The following ABCF1 variants were observed in gnomAD, a reference collection of about 807,000 sequenced individuals.
ABCF1 encodes the protein ATP binding cassette subfamily F member 1.
A neutral mutation model predicts 126.3 loss-of-function variants in ABCF1; 73 were observed. The ratio of observed to expected loss-of-function variants is 0.58; its 90% CI spans 0.48 to 0.70. The LOEUF (loss-of-function observed/expected upper bound fraction) is 0.70, where lower values mean the gene tolerates loss of function less well. Among genes scored for constraint, ABCF1 ranks in the 30% least tolerant of loss-of-function variants. The pLI is 0.00. For synonymous variants in ABCF1, 345 were observed against 396.4 expected (o/e 0.87, Z 1.54); for missense variants, 786 against 1,057.5 (o/e 0.74, Z 3.56).
intron 1 of ABCF1, 57 bp downstream of exon 1, chr6:30,571,617 CGT>C (rs1238999672): frequency 6.4e-7 from 1 of 1,557,388 alleles, no homozygotes; most frequent in Non-Finnish European, 8.7e-7. Context: ...GGAGACTGCG[CGT>C]GTTTTAAGAG....
At chr6:30,576,075 TAAAAAA>T (rs35364261) in intron 1 of ABCF1, among the ~76,000 whole-genome samples, 5 of 120,822 alleles carry the variant, frequency 4.1e-5, no homozygotes, top group South Asian at 2.7e-4. Flanking sequence ...CCCTGTCTCT[TAAAAAA>T]AAAAAAAAAA....
At position 30,586,215 on chromosome 6, in the gene ABCF1, C is replaced by T. The variant is rs1472793147; in HGVS notation, c.1795C>T (p.Pro599Ser). The change falls in exon 18 of 25, where the codon CCT becomes TCT. Residue 599 changes from proline (P) to serine (S), a missense_variant. Pro to Ser is a moderately conservative substitution (Grantham distance 74). This residue lies in a region of ABCF1 where 288 missense variants were observed against 423.5 expected (regional missense o/e 0.68). Coordinates refer to ENST00000326195, the MANE Select transcript of ABCF1 (RefSeq NM_001025091.2). The surrounding 1 kb of genome is among the most constrained non-coding windows in gnomAD (Gnocchi z 4.9). ...CCAAGATGAGGAATCCCAGGAGGCC[C>T]CTGAGCTCCTGAAGCGCCCTAAGGA... is the stretch of plus-strand genomic sequence containing the variant. ...KNQDEESQEA[P>S]ELLKRPKEYT... The T allele has an allele frequency of 1.2e-6, 2 of 1,613,928 alleles. No individual in the cohort carries two copies. The highest frequency in any genetic ancestry group is 1.7e-5 in the Admixed American group (1 of 59,978).
chr6:30,580,397 C>A lies in ABCF1; in HGVS notation c.565-9C>A. The A allele has an allele frequency of 6.8e-7, 1 of 1,462,682 alleles. No homozygotes were observed. Among genetic ancestry groups the A allele is most frequent in the Non-Finnish European group, 9.2e-7 (1 of 1,089,062 alleles). 90.6% of individuals were successfully genotyped at this position (1,462,682 alleles called of 1,614,324 possible). A position where few individuals can be genotyped will look rare whatever the true frequency, so the allele number is the denominator to read the frequency against. ...AAACATTTCATCAGACCTGTCTTTTCCCTATTAGCCTCAAAATAAATTCGC... is the reference window on the plus strand; with the variant it reads ...AAACATTTCATCAGACCTGTCTTTTACCTATTAGCCTCAAAATAAATTCGC... On this transcript the variant is annotated splice_polypyrimidine_tract_variant and intron_variant, in intron 7 of 24. Transcript: ENST00000326195.
chr6:30,579,263 A>G (rs1015288101), intron 6 of ABCF1, among the ~76,000 whole-genome samples: 6 of 152,016 alleles, frequency 3.9e-5, no homozygotes, highest in Admixed American at 6.6e-5. Context: ...TTCGCTATCT[A>G]GTCTGAAGCT....
intron 8 of ABCF1, among the ~76,000 whole-genome samples, chr6:30,582,181 C>G (rs1458766764): frequency 6.6e-6 from 1 of 151,972 alleles, no homozygotes; most frequent in African/African-American, 2.4e-5. Flanking sequence ...CTCAGCCTCC[C>G]GAGTAGCTGG....
At position 30,583,929 on chromosome 6, in the gene ABCF1, G is replaced by A; in HGVS notation, c.1102+39G>A. On this transcript the variant is annotated intron_variant, in intron 12 of 24. Coordinates refer to ENST00000326195, the MANE Select transcript of ABCF1 (RefSeq NM_001025091.2). This position sits in a 1 kb window ranked among gnomAD's most constrained non-coding sequence, Gnocchi z 4.1. The stretch of plus-strand genomic sequence containing the variant: ...GGAGAAAAGGGGCTTGGTGGGGTGG[G>A]CAGTTGGGTAGAAAAGCCAGCCAGC... 1 of 1,603,912 alleles carries A rather than the reference G, an allele frequency of 6.2e-7. No homozygotes were observed. The highest frequency in any genetic ancestry group is 8.5e-7 in the Non-Finnish European group (1 of 1,172,094).
intron 1 of ABCF1, among the ~76,000 whole-genome samples, chr6:30,573,022 C>T (rs1801331659): frequency 6.6e-6 from 1 of 152,022 alleles, no homozygotes; most frequent in Non-Finnish European, 1.5e-5. Flanking sequence ...GAAGGAAGGC[C>T]CATTGAAGTG....
chr6:30,586,351 A>G lies in ABCF1; in HGVS notation c.1885+46A>G, dbSNP rs775221315. 4 of 1,600,558 alleles carry G rather than the reference A, an allele frequency of 2.5e-6. No individual in the cohort carries two copies. In the South Asian group the frequency reaches 3.3e-5, roughly 13 times the overall value. On this transcript the variant is annotated intron_variant, in intron 18 of 24. Coordinates refer to ENST00000326195, the MANE Select transcript of ABCF1 (RefSeq NM_001025091.2). The surrounding 1 kb of genome is among the most constrained non-coding windows in gnomAD (Gnocchi z 4.9). ...CTGCTCCACAGGAAGCACCGGAAGC[A>G]TGTATGTGCACCCTAAATTCTCCAC... is the stretch of plus-strand genomic sequence containing the variant.
chr6:30,581,398 CTTTTTTTTTTTTT>C (rs71552010), intron 8 of ABCF1, among the ~76,000 whole-genome samples: 2 of 84,868 alleles, frequency 2.4e-5, no homozygotes, highest in Admixed American at 3.1e-4. Flanking sequence ...GCTTCCTGAT[CTTTTTTTTTTTTT>C]TTTTTTTTTT....
chr6:30,588,667 C>T (rs1490314530), intron 20 of ABCF1, among the ~76,000 whole-genome samples: 2 of 151,784 alleles, frequency 1.3e-5, no homozygotes, highest in African/African-American at 4.8e-5. Context: ...CAAACTCTAC[C>T]ATTTTATTTG....
Position 30,583,181 on chromosome 6 carries a change from ACATCAAGGTAAGGT to A in ABCF1, c.910_915+8del. 6.2e-7 allele frequency: 1 copy of A among 1,606,266 alleles called. No homozygotes were observed. Among genetic ancestry groups the A allele is most frequent in the Non-Finnish European group, 8.5e-7 (1 of 1,174,328 alleles). On this transcript the variant is annotated splice_donor_variant and splice_donor_5th_base_variant and coding_sequence_variant and intron_variant, in exon 10 of 25. Transcript: ENST00000326195. LOFTEE classifies it high-confidence loss of function. The surrounding 1 kb of genome is among the most constrained non-coding windows in gnomAD (Gnocchi z 4.1). ...CAAGCCATGTTAGAAAATGCATCTG[ACATCAAGGTAAGGT>A]CTCAAGGGGCCCCTTCCAGTCCACT...
chr6:30,573,205 G>A (rs895201967), intron 1 of ABCF1, among the ~76,000 whole-genome samples: 1 of 152,296 alleles, frequency 6.6e-6, no homozygotes, highest in East Asian at 1.9e-4. Context: ...TTACTAAGGA[G>A]GCGGCATTGA....
chr6:30,584,467 C>CTGCAG lies in ABCF1; in HGVS notation c.1292_1293insTGCAG (p.Arg432AlafsTer44). The CTGCAG allele has an allele frequency of 6.2e-7, 1 of 1,613,108 alleles. No individual in the cohort carries two copies. The highest frequency in any genetic ancestry group is 8.5e-7 in the Non-Finnish European group (1 of 1,180,032). ...GGGGCGGCAGCTGCAGAGGCCAAAG[C>CTGCAG]ACGGCGGATCCTGGCTGGCCTGGGC... On this transcript the variant is annotated frameshift_variant, in exon 14 of 25. Coordinates refer to ENST00000326195, the MANE Select transcript of ABCF1 (RefSeq NM_001025091.2). LOFTEE classifies it high-confidence loss of function. This position sits in a 1 kb window ranked among gnomAD's most constrained non-coding sequence, Gnocchi z 4.6.
In ABCF1 at chr6:30,578,375, A is replaced by G. The variant is rs1378574999; in HGVS notation, c.371A>G (p.Lys124Arg). ...EVPAPKPRGGKKTKGGNVFAA... is the reference protein window; with the variant it reads ...EVPAPKPRGGRKTKGGNVFAA... ...CCCGCCCCAAAACCCCGCGGAGGGA[A>G]GAAAACCAAGGTAAGCCATCTGTGT... The change falls in exon 5 of 25, where the codon AAG becomes AGG. Residue 124 changes from lysine (K) to arginine (R), a missense_variant. Physicochemically the swap from Lys to Arg is conservative, Grantham distance 26 (BLOSUM62 2). Around this residue, in one of 4 missense-constraint regions of ABCF1, gnomAD observed 322 missense variants for 322.9 expected, o/e 1.00. Transcript: ENST00000326195. The G allele has an allele frequency of 1.2e-6, 2 of 1,614,112 alleles. No individual in the cohort carries two copies. The highest frequency in any genetic ancestry group is 1.7e-6 in the Non-Finnish European group (2 of 1,180,018).
In ABCF1 at chr6:30,571,483, C is replaced by G. The variant is rs1408654988; in HGVS notation, c.-5C>G. The G allele has an allele frequency of 2.5e-6, 4 of 1,609,610 alleles. No individual in the cohort carries two copies. The Admixed American group carries it at 6.7e-5, about 27-fold the overall frequency. On this transcript the variant is annotated 5_prime_UTR_variant, in exon 1 of 25. Coordinates refer to ENST00000326195, the MANE Select transcript of ABCF1 (RefSeq NM_001025091.2). ...GCCGCCACAGTAGCTGTAACTGCCA[C>G]CGCGATGCCGAAGGCGCCCAAGCAG...
chr6:30,578,667 C>A, intron 6 of ABCF1, 90 bp downstream of exon 6: 1 of 1,123,270 alleles, frequency 8.9e-7, no homozygotes, highest in Non-Finnish European at 1.3e-6. Flanking sequence ...ACTAGCTCTT[C>A]TCGGTCTGTC....
intron 6 of ABCF1, among the ~76,000 whole-genome samples, chr6:30,579,666 C>G (rs1801702281): frequency 6.6e-6 from 1 of 151,952 alleles, no homozygotes; most frequent in Non-Finnish European, 1.5e-5. Flanking sequence ...CCATGTTGAC[C>G]AGGATGGTCT....
At chr6:30,573,517 AAAG>A (rs1461627004) in intron 1 of ABCF1, among the ~76,000 whole-genome samples, 3 of 152,174 alleles carry the variant, frequency 2.0e-5, no homozygotes, top group Admixed American at 1.3e-4. Context: ...ATTGAACCAA[AAAG>A]AAGGTTAAAG....
intron 3 of ABCF1, 42 bp from the exon 4 acceptor site, chr6:30,578,034 G>C (rs1387205267): frequency 3.1e-6 from 5 of 1,613,874 alleles, no homozygotes; most frequent in Non-Finnish European, 4.2e-6. Context: ...ATACAGCAGG[G>C]GCCTGGGCTT....
Sources: gnomAD v4.1 joint callset for allele counts (sites outside exome capture counted in the v4.1 genomes callset) on GRCh38, gnomAD v4.1.1 for gene constraint, gnomAD v4.1.1 regional missense constraint, Gnocchi (gnomAD v3.1) non-coding constraint, MANE v1.5 for transcripts, NCBI Gene and HGNC (gene_info 2026-07-23, HGNC 2026-07-21) for gene names.